Variants in OR2A14 observed in about 807,000 individuals in gnomAD.
The protein encoded by OR2A14 is olfactory receptor family 2 subfamily A member 14, also known as olfactory receptor 2A14.
In OR2A14, 2 loss-of-function variants were observed where a neutral mutation model predicts 2.4. The ratio of observed to expected loss-of-function variants is 0.85; its 90% CI spans 0.35 to 2.67. OR2A14 has a LOEUF of 2.67. OR2A14 is among the 30% of genes most tolerant of loss of function. The probability of loss-of-function intolerance (pLI) is 0.10; values close to 1 mark genes in which losing one functional copy is unlikely to be tolerated. For synonymous variants in OR2A14, 160 were observed against 156.3 expected (o/e 1.02, Z -0.18); for missense variants, 390 against 379.4 (o/e 1.03, Z -0.23).
At chr7:144,127,683 T>C (rs558932427) in intron 1 of OR2A14, among the ~76,000 whole-genome samples, 20 of 152,226 alleles carry the variant, frequency 1.3e-4, no homozygotes, top group Non-Finnish European at 2.9e-4. Context: ...TACAATACCC[T>C]ATTTTAATAT....
chr7:144,123,482 C>T (rs2951345), intron 1 of OR2A14, among the ~76,000 whole-genome samples: 24,512 of 152,026 alleles, frequency 0.16, 2,692 homozygotes, highest in Admixed American at 0.35. Flanking sequence ...CTGACCTTCT[C>T]GGCCCCTCCA....
Position 144,130,163 on chromosome 7 carries a change from C to A in OR2A14, c.*118C>A, listed in dbSNP as rs1357092432. The A allele has an allele frequency of 6.7e-6, 5 of 747,846 alleles. No individual in the cohort carries two copies. The Admixed American group carries it at 1.3e-4, about 20-fold the overall frequency. 46.3% of individuals were successfully genotyped at this position (747,846 alleles called of 1,614,324 possible). ...TACCTTAAACTGGAATACTATAGAC[C>A]TATACATATAAACTGAAGACACAAA... On this transcript the variant is annotated 3_prime_UTR_variant, in exon 2 of 2. Transcript: ENST00000641068.
chr7:144,129,974 A>C lies in OR2A14; in HGVS notation c.862A>C (p.Ile288Leu). The change falls in exon 2 of 2, where the codon ATA becomes CTA. Residue 288 changes from isoleucine (I) to leucine (L), a missense_variant. By Grantham distance (5) the Ile-to-Leu change is conservative (BLOSUM62 2). Transcript: ENST00000641068. ...SLFNPMLNPL[I>L]YSLRNAEVKG... ...TTTCAATCCAATGCTGAACCCCCTG[A>C]TATATAGCCTAAGGAATGCAGAGGT... The C allele has an allele frequency of 4.3e-6, 7 of 1,614,146 alleles. No homozygotes were observed. Among genetic ancestry groups the C allele is most frequent in the Non-Finnish European group, 5.9e-6 (7 of 1,180,022 alleles).
rs1297568834 is a variant in OR2A14, at chr7:144,129,827, A to G, written c.715A>G (p.Thr239Ala). Residue 239 changes from threonine (T) to alanine (A), a missense_variant, in exon 2 of 2, where the codon ACC (threonine) becomes GCC (alanine). Thr to Ala is a moderately conservative substitution (Grantham distance 58). Coordinates refer to ENST00000641068, the MANE Select transcript of OR2A14 (RefSeq NM_001001659.3). ...GGAGGGCCGCAGAAAGGCCTTCTCCACCTGCTCCTCCCACCTTTGCGTGGT... is the reference window on the plus strand; with the variant it reads ...GGAGGGCCGCAGAAAGGCCTTCTCCGCCTGCTCCTCCCACCTTTGCGTGGT... ...SGEGRRKAFS[T>A]CSSHLCVVGL... is the part of the protein sequence containing the mutation. 2 of 1,614,110 alleles carry G rather than the reference A, an allele frequency of 1.2e-6. No homozygotes were observed. The highest frequency in any genetic ancestry group is 1.7e-6 in the Non-Finnish European group (2 of 1,180,012).
chr7:144,124,307 A>T (rs555098530), intron 1 of OR2A14, among the ~76,000 whole-genome samples: 1 of 152,242 alleles, frequency 6.6e-6, no homozygotes, highest in South Asian at 2.1e-4. Context: ...TAATAAAAAT[A>T]CAAAATTAGC....
At chr7:144,124,925 GA>G (rs2051471554) in intron 1 of OR2A14, among the ~76,000 whole-genome samples, 1 of 152,270 alleles carries the variant, frequency 6.6e-6, no homozygotes, top group South Asian at 2.1e-4. Context: ...CAGCCAAAAA[GA>G]AAAGCAAGAT....
Position 144,129,732 on chromosome 7 carries a change from T to C in OR2A14, c.620T>C (p.Val207Ala). 6.2e-7 allele frequency: 1 copy of C among 1,614,046 alleles called. No homozygotes were observed. Among genetic ancestry groups the C allele is most frequent in the East Asian group, 2.2e-5 (1 of 44,884 alleles). ...VIFAACVFIL[V>A]GPLCLVLVSY... is the part of the protein sequence containing the mutation. ...TTTGCAGCCTGCGTGTTCATCCTGG[T>C]GGGGCCACTCTGCCTGGTGCTGGTC... Residue 207 changes from valine to alanine, a missense_variant, in exon 2 of 2, where the codon GTG becomes GCG. Coordinates refer to ENST00000641068, the MANE Select transcript of OR2A14 (RefSeq NM_001001659.3).
At chr7:144,123,624 C>A (rs1357370244) in intron 1 of OR2A14, among the ~76,000 whole-genome samples, 1 of 152,152 alleles carries the variant, frequency 6.6e-6, no homozygotes, top group Non-Finnish European at 1.5e-5. Flanking sequence ...GGCTATGCGG[C>A]TCAGGTGACT....
Position 144,130,151 on chromosome 7 carries a change from A to G in OR2A14, c.*106A>G. On this transcript the variant is annotated 3_prime_UTR_variant, in exon 2 of 2. Transcript: ENST00000641068. ...TAGAATAAATGCTACCTTAAACTGG[A>G]ATACTATAGACCTATACATATAAAC... 3 of 841,148 alleles carry G rather than the reference A, an allele frequency of 3.6e-6. No individual in the cohort carries two copies. The highest frequency in any genetic ancestry group is 5.6e-6 in the Non-Finnish European group (3 of 531,072). The allele number at this position is 841,148 out of a possible 1,614,324, so 52.1% of individuals were successfully genotyped here.
intron 1 of OR2A14, 102 bp downstream of exon 1, chr7:144,123,366 G>C (rs769299775): frequency 6.6e-6 from 1 of 152,252 alleles, no homozygotes; most frequent in Non-Finnish European, 1.5e-5. Flanking sequence ...GCGATGAAAT[G>C]CCCGTGCTAT....
chr7:144,130,129 A>G lies in OR2A14; in HGVS notation c.*84A>G. 1 of 1,040,710 alleles carries G rather than the reference A, an allele frequency of 9.6e-7. No individual in the cohort carries two copies. Among genetic ancestry groups the G allele is most frequent in the Non-Finnish European group, 1.4e-6 (1 of 705,070 alleles). The allele number at this position is 1,040,710 out of a possible 1,614,324, so 64.5% of individuals were successfully genotyped here. ...GCTTTTTTTTTTTGTCTTCTGCTAG[A>G]ATAAATGCTACCTTAAACTGGAATA... On this transcript the variant is annotated 3_prime_UTR_variant, in exon 2 of 2. Coordinates refer to ENST00000641068, the MANE Select transcript of OR2A14 (RefSeq NM_001001659.3).
At chr7:144,123,520 G>A (rs2051460269) in intron 1 of OR2A14, among the ~76,000 whole-genome samples, 1 of 152,148 alleles carries the variant, frequency 6.6e-6, no homozygotes, top group Non-Finnish European at 1.5e-5. Flanking sequence ...CCCTGTGGCA[G>A]CTCCTGGCTT....
rs757820201 is a variant in OR2A14, at chr7:144,129,629, A to G, written c.517A>G (p.Ile173Val). 7 of 1,569,068 alleles carry G rather than the reference A, an allele frequency of 4.5e-6. No individual in the cohort carries two copies. Among genetic ancestry groups the G allele is most frequent in the African/African-American group, 1.5e-5 (1 of 64,754 alleles). Residue 173 changes from isoleucine (I) to valine (V), a missense_variant, in exon 2 of 2, where the codon ATC (isoleucine) becomes GTC (valine). Coordinates refer to ENST00000641068, the MANE Select transcript of OR2A14 (RefSeq NM_001001659.3). The part of the protein sequence containing the change: ...LSLPFCGPHE[I>V]NHFFCEILSV... The stretch of plus-strand genomic sequence containing the variant: ...CCTGCCCTTCTGCGGGCCTCATGAA[A>G]TCAACCACTTCTTCTGTGAAATCCT...
rs999147598 is a variant in OR2A14, at chr7:144,131,033, G to A, written c.*988G>A. 6.6e-6 allele frequency: 1 copy of A among 152,232 alleles called. No homozygotes were observed. The allele number at this position is 152,232 out of a possible 1,614,324, so 9.4% of individuals were successfully genotyped here. ...ATCCCACTTTAGAGACCCTCACTGG[G>A]TGGGGCCTCAGGGAGCATGTGATTA... On this transcript the variant is annotated 3_prime_UTR_variant, in exon 2 of 2. Transcript: ENST00000641068.
intron 1 of OR2A14, among the ~76,000 whole-genome samples, chr7:144,126,453 G>A (rs2051483730): frequency 2.0e-5 from 3 of 152,102 alleles, no homozygotes; most frequent in South Asian, 4.1e-4. Context: ...TTCCATTACT[G>A]TTCTCTGTGT....
chr7:144,127,158 C>G (rs2051487619), intron 1 of OR2A14, among the ~76,000 whole-genome samples: 1 of 152,176 alleles, frequency 6.6e-6, no homozygotes. Flanking sequence ...TTACATCATC[C>G]ACAGCTGGGC....
In OR2A14 at chr7:144,130,366, C is replaced by G. The variant is rs1273597851; in HGVS notation, c.*321C>G. ...GAAAGAAGAAATGCAAGCCACAAAC[C>G]AAGTGATCGTATGGAAACTACATGT... On this transcript the variant is annotated 3_prime_UTR_variant, in exon 2 of 2. Transcript: ENST00000641068. 5.0e-6 allele frequency: 1 copy of G among 198,212 alleles called. No individual in the cohort carries two copies. Among genetic ancestry groups the G allele is most frequent in the East Asian group, 1.1e-4 (1 of 8,706 alleles). 12.3% of individuals were successfully genotyped at this position (198,212 alleles called of 1,614,324 possible). A position where few individuals can be genotyped will look rare whatever the true frequency, so the allele number is the denominator to read the frequency against.
At position 144,129,971 on chromosome 7, in the gene OR2A14, CT is replaced by C. The variant is rs773285062; in HGVS notation, c.860del (p.Leu287ArgfsTer5). On this transcript the variant is annotated frameshift_variant, in exon 2 of 2. Coordinates refer to ENST00000641068, the MANE Select transcript of OR2A14 (RefSeq NM_001001659.3). LOFTEE classifies it high-confidence loss of function. ...YSLFNPMLNP[L>X]IYSLRNAEVK... ...CCTTTTCAATCCAATGCTGAACCCC[CT>C]GATATATAGCCTAAGGAATGCAGAG... The C allele has an allele frequency of 4.3e-6, 7 of 1,614,172 alleles. No homozygotes were observed. The highest frequency in any genetic ancestry group is 3.3e-5 in the Admixed American group (2 of 60,026).
Position 144,129,283 on chromosome 7 carries a change from C to T in OR2A14, c.171C>T (p.Pro57=), listed in dbSNP as rs1426466021. 3.7e-6 allele frequency: 6 copies of T among 1,614,206 alleles called. No individual in the cohort carries two copies. Among genetic ancestry groups the T allele is most frequent in the Non-Finnish European group, 5.1e-6 (6 of 1,180,028 alleles). ...IICLDCKLHT[P]MYFFLSHLAI... ...GCCTGGACTGTAAGCTTCACACACC[C>T]ATGTACTTCTTCCTCTCACACCTGG... is the stretch of plus-strand genomic sequence containing the variant. Residue 57 remains proline (P), a synonymous_variant, in exon 2 of 2, where the codon CCC becomes CCT. Coordinates refer to ENST00000641068, the MANE Select transcript of OR2A14 (RefSeq NM_001001659.3).
Sources: allele counts gnomAD v4.1 joint callset (sites outside exome capture counted in the v4.1 genomes callset), GRCh38; gene constraint gnomAD v4.1.1; transcripts MANE v1.5; gene names NCBI Gene and HGNC (gene_info 2026-07-23, HGNC 2026-07-21).